ZNF69: variants seen among roughly 807,000 people sequenced by gnomAD.
ZNF69 encodes ZNF3.
In ZNF69, 47 loss-of-function variants were observed where a neutral mutation model predicts 50.9. The observed-to-expected ratio is 0.92, with a 90% CI of 0.73 to 1.18. The LOEUF is 1.18. ZNF69 is among the 50% of genes most tolerant of loss of function. The pLI is 0.00. For synonymous variants in ZNF69, 216 were observed against 223.1 expected (o/e 0.97, Z 0.29); for missense variants, 717 against 675.1 (o/e 1.06, Z -0.69).
chr19:11,977,278 G>A, the ZNF69 span: 1 of 1,603,716 alleles, frequency 6.2e-7, no homozygotes, highest in South Asian at 1.1e-5. Flanking sequence ...GAATAAATGA[G>A]GCATGGCTGC....
rs1323205870 is a variant in ZNF69 at position 11,901,833 on chromosome 19, T to TA, written c.64-1739dup. On this transcript the variant is annotated intron_variant, in intron 1 of 3. Coordinates refer to ENST00000429654, the MANE Select transcript of ZNF69 (RefSeq NM_001364730.1). Reference sequence around the variant, plus strand: ...TTATCTTAAAACAAAATGTGAAACTTATCAGCTTAAGAAATTTTACATGTA... The same window carrying TA: ...TTATCTTAAAACAAAATGTGAAACTTAATCAGCTTAAGAAATTTTACATGTA... Among the ~76,000 whole-genome samples the TA allele has an allele frequency of 2.6e-5, 4 of 152,258 alleles. No individual in the cohort carries two copies. The East Asian group carries it at 7.7e-4, about 29-fold the overall frequency.
the ZNF69 span, chr19:11,965,152 C>T: frequency 2.5e-6 from 4 of 1,612,082 alleles, no homozygotes; most frequent in Non-Finnish European, 3.4e-6. Context: ...CTGCGCTGTG[C>T]CCTTCTGTAG....
At position 11,912,221 on chromosome 19, in the gene ZNF69, G is replaced by A. The variant is rs577163314; in HGVS notation, c.449-1188G>A. 7.3e-5 allele frequency among the ~76,000 whole-genome samples: 11 copies of A among 151,714 alleles called. No individual in the cohort carries two copies. The South Asian group carries it at 1.7e-3, about 23-fold the overall frequency. On this transcript the variant is annotated intron_variant, in intron 4 of 4. Transcript: ENST00000340180. ...GTGAATGTAAGAAATGTGGGAAAGC[G>A]TTCCATAATTTCTCTTCTTTGCAAA... is the stretch of plus-strand genomic sequence containing the variant.
At position 11,887,833 on chromosome 19, in the gene ZNF69, C is replaced by G. The variant is rs1165967352; in HGVS notation, c.-91C>G. ...CGCATTCCTTACCTCACCTTTGTCC[C>G]TGCGCGGGCTGCGGCTGGGATCCGG... On this transcript the variant is annotated 5_prime_UTR_variant, in exon 1 of 4. Transcript: ENST00000429654. 3 of 1,208,542 alleles carry G rather than the reference C, an allele frequency of 2.5e-6. No individual in the cohort carries two copies. The East Asian group carries it at 7.7e-5, about 31-fold the overall frequency. The allele number at this position is 1,208,542 out of a possible 1,614,324, so 74.9% of individuals were successfully genotyped here.
rs1253752612 is a variant in ZNF69, at chr19:11,905,814, T to C, written c.1417T>C (p.Ser473Pro). The part of the protein sequence containing the change: ...ERTQTHVRIH[S>P]GERPYKCKLC... ...GACACAAACACACGTAAGAATACAC[T>C]CTGGAGAAAGACCTTATAAATGTAA... is the stretch of plus-strand genomic sequence containing the variant. The change falls in exon 4 of 4, where the codon TCT (serine) becomes CCT (proline). Residue 473 changes from serine (S) to proline (P), a missense_variant. Coordinates refer to ENST00000429654, the MANE Select transcript of ZNF69 (RefSeq NM_001364730.1). The C allele has an allele frequency of 1.2e-6, 2 of 1,613,322 alleles. No individual in the cohort carries two copies. Among genetic ancestry groups the C allele is most frequent in the East Asian group, 2.2e-5 (1 of 44,822 alleles).
chr19:11,915,621 A>C (rs1205891519), downstream of ZNF69, among the ~76,000 whole-genome samples: 2 of 152,158 alleles, frequency 1.3e-5, no homozygotes, highest in African/African-American at 2.4e-5. Context: ...TTGAAAGCTC[A>C]CACCAGGTGG....
chr19:11,958,629 T>G, the ZNF69 span, among the ~76,000 whole-genome samples: 22,451 of 152,032 alleles, frequency 0.15, 2,618 homozygotes, highest in African/African-American at 0.33. Context: ...AGTCCCAGAA[T>G]TAATTTTCTG....
At chr19:11,961,444 A>G in the ZNF69 span, among the ~76,000 whole-genome samples, 6 of 152,220 alleles carry the variant, frequency 3.9e-5, no homozygotes, top group Non-Finnish European at 8.8e-5. Context: ...AGTCACCCCA[A>G]GAGTCCTCAC....
At chr19:11,925,392 C>T in the ZNF69 span, 4 of 1,479,466 alleles carry the variant, frequency 2.7e-6, no homozygotes, top group Non-Finnish European at 3.6e-6. Context: ...GGACCGAGTC[C>T]TCCTTGAGCA....
At chr19:11,969,041 T>A in the ZNF69 span, among the ~76,000 whole-genome samples, 1 of 152,178 alleles carries the variant, frequency 6.6e-6, no homozygotes, top group African/African-American at 2.4e-5. Flanking sequence ...AACCCCATGA[T>A]CACATTGCTT....
rs1977123456 is a variant in ZNF69 at position 11,892,626 on chromosome 19, A to G, written c.63+4640A>G. 5.3e-5 allele frequency among the ~76,000 whole-genome samples: 8 copies of G among 152,152 alleles called. 1 individual carries two copies. The highest frequency in any genetic ancestry group is 5.2e-4 in the Admixed American group (8 of 15,274). ...AAAATCATATTAAATAAATAAAAAAAAAGTGAAGAGGGAAAGGGTCTTTCC... is the reference window on the plus strand; with the variant it reads ...AAAATCATATTAAATAAATAAAAAAGAAGTGAAGAGGGAAAGGGTCTTTCC... On this transcript the variant is annotated intron_variant, in intron 1 of 3. Transcript: ENST00000429654.
the ZNF69 span, among the ~76,000 whole-genome samples, chr19:11,960,467 G>A: frequency 6.6e-6 from 1 of 152,062 alleles, no homozygotes; most frequent in Non-Finnish European, 1.5e-5. Flanking sequence ...ATTTTTAAAA[G>A]TTTTTTGTAG....
chr19:11,978,922 G>A, the ZNF69 span: 1 of 1,614,106 alleles, frequency 6.2e-7, no homozygotes. Context: ...CATAAAAGGA[G>A]TCACACGGGA....
At chr19:11,917,628 T>A (rs576314403), downstream of ZNF69, among the ~76,000 whole-genome samples, 2 of 149,172 alleles carry the variant, frequency 1.3e-5, no homozygotes, top group South Asian at 4.2e-4. Flanking sequence ...CATCTGAGAA[T>A]TTATTTATTT....
the ZNF69 span, among the ~76,000 whole-genome samples, chr19:11,941,453 C>T: frequency 6.6e-6 from 1 of 152,230 alleles, no homozygotes; most frequent in African/African-American, 2.4e-5. Context: ...GGGAAGGCAG[C>T]TAAGGCCGGG....
chr19:11,949,805 G>A, the ZNF69 span: 1 of 1,613,300 alleles, frequency 6.2e-7, no homozygotes, highest in Non-Finnish European at 8.5e-7. Flanking sequence ...CCCTATGAGT[G>A]TAAGCAATGT....
At chr19:11,948,517 A>G in the ZNF69 span, 1 of 1,612,210 alleles carries the variant, frequency 6.2e-7, no homozygotes, top group Non-Finnish European at 8.5e-7. Flanking sequence ...AAAGCCATAT[A>G]AGTGTCAACA....
chr19:11,915,920 A>AT (rs1972517895), downstream of ZNF69, among the ~76,000 whole-genome samples: 1 of 152,096 alleles, frequency 6.6e-6, no homozygotes, highest in African/African-American at 2.4e-5. Flanking sequence ...AGAAAAAAAA[A>AT]GCTCACTTGG....
the ZNF69 span, among the ~76,000 whole-genome samples, chr19:11,936,415 G>T: frequency 6.6e-6 from 1 of 152,168 alleles, no homozygotes; most frequent in Non-Finnish European, 1.5e-5. Flanking sequence ...TTGTGGTTTT[G>T]ATTTGCATTT....
Sources: gnomAD v4.1 joint callset for allele counts (sites outside exome capture counted in the v4.1 genomes callset) on GRCh38, gnomAD v4.1.1 for gene constraint, MANE v1.5 for transcripts, NCBI Gene and HGNC (gene_info 2026-07-23, HGNC 2026-07-21) for gene names.